NMBR: variants seen among roughly 807,000 people sequenced by gnomAD.
NMBR encodes neuromedin-B receptor.
Under a neutral mutation model 20.5 loss-of-function variants are expected in NMBR, and 16 were observed. That is an observed-to-expected ratio of 0.78 (90% CI 0.53 to 1.19). The LOEUF (loss-of-function observed/expected upper bound fraction) is 1.19. Ranked by LOEUF, NMBR falls within the 50% of genes most tolerant of loss-of-function variation. The probability of loss-of-function intolerance (pLI) is 0.00; values close to 1 mark genes in which losing one functional copy is unlikely to be tolerated. For synonymous variants in NMBR, 212 were observed against 196.6 expected, an observed-to-expected ratio of 1.08 and a Z score of -0.65; for missense variants, 582 against 499.1, an observed-to-expected ratio of 1.17 and a Z score of -1.58.
At chr6:142,107,927 A>C (rs1470144390) in intron 1 of NMBR, among the ~76,000 whole-genome samples, 1 of 152,180 alleles carries the variant, frequency 6.6e-6, no homozygotes, top group East Asian at 1.9e-4. Context: ...TTAAAAGTAC[A>C]GTACTTGGAA....
chr6:142,113,660 A>G (rs1431998692), intron 1 of NMBR, among the ~76,000 whole-genome samples: 2 of 152,206 alleles, frequency 1.3e-5, no homozygotes, highest in Non-Finnish European at 2.9e-5. Context: ...GGTGGAACAC[A>G]AGCTTTCAAG....
At chr6:142,090,112 C>A (rs1032599290) in intron 1 of NMBR, among the ~76,000 whole-genome samples, 2 of 152,026 alleles carry the variant, frequency 1.3e-5, no homozygotes, top group African/African-American at 4.8e-5. Context: ...TAGGTTGTCC[C>A]TAAGCACAAA....
chr6:142,078,420 T>A (rs951341953), intron 3 of NMBR, 135 bp downstream of exon 3: 1 of 595,380 alleles, frequency 1.7e-6, no homozygotes. Context: ...TCCCCACATA[T>A]CCCTTCTAGT....
intron 1 of NMBR, among the ~76,000 whole-genome samples, chr6:142,100,748 G>T (rs1255312143): frequency 6.6e-6 from 1 of 152,170 alleles, no homozygotes; most frequent in Non-Finnish European, 1.5e-5. Flanking sequence ...TAACAAATGT[G>T]CCACTTTGAT....
intron 1 of NMBR, among the ~76,000 whole-genome samples, chr6:142,090,707 A>G (rs900247368): frequency 6.6e-6 from 1 of 151,604 alleles, no homozygotes; most frequent in Non-Finnish European, 1.5e-5. Context: ...TTTATCTCCA[A>G]AGTTATTTGT....
At chr6:142,129,958 C>T (rs1778110000) in intron 1 of NMBR, among the ~76,000 whole-genome samples, 1 of 152,076 alleles carries the variant, frequency 6.6e-6, no homozygotes, top group Non-Finnish European at 1.5e-5. Flanking sequence ...ACTGTGTGCT[C>T]CCTCCTACTC....
chr6:142,132,264 T>C (rs554266031), intron 1 of NMBR, among the ~76,000 whole-genome samples: 2 of 152,312 alleles, frequency 1.3e-5, no homozygotes, highest in South Asian at 2.1e-4. Flanking sequence ...AATGATTAGC[T>C]GTATGACATT....
intron 1 of NMBR, among the ~76,000 whole-genome samples, chr6:142,092,232 A>G (rs1777339206): frequency 6.6e-6 from 1 of 152,108 alleles, no homozygotes; most frequent in African/African-American, 2.4e-5. Flanking sequence ...AACAGAAAAA[A>G]ACATTAATGG....
At chr6:142,119,200 C>G (rs535077490) in intron 1 of NMBR, among the ~76,000 whole-genome samples, 52 of 152,088 alleles carry the variant, frequency 3.4e-4, no homozygotes, top group African/African-American at 1.2e-3. Flanking sequence ...GAGGGCTATG[C>G]TCAGTGAGTG....
At chr6:142,102,276 G>A (rs922522115) in intron 1 of NMBR, among the ~76,000 whole-genome samples, 3 of 151,762 alleles carry the variant, frequency 2.0e-5, no homozygotes, top group Non-Finnish European at 4.4e-5. Context: ...TGTAGTCCCA[G>A]CTACTCAGGA....
At chr6:142,099,854 T>C (rs982225202) in intron 1 of NMBR, among the ~76,000 whole-genome samples, 1 of 151,996 alleles carries the variant, frequency 6.6e-6, no homozygotes, top group East Asian at 1.9e-4. Context: ...ACAAATAATT[T>C]TTAAAATTCA....
intron 2 of NMBR, among the ~76,000 whole-genome samples, chr6:142,083,889 A>G (rs954586447): frequency 5.9e-5 from 9 of 152,206 alleles, no homozygotes; most frequent in African/African-American, 1.9e-4. Flanking sequence ...CTGAACAAAA[A>G]TAAGTTGAAC....
chr6:142,077,765 C>T (rs1303617021), intron 3 of NMBR, among the ~76,000 whole-genome samples: 4 of 152,164 alleles, frequency 2.6e-5, no homozygotes. Context: ...AAACAAGCAT[C>T]GGTAACTACT....
In NMBR at chr6:142,125,871, CTG is replaced by C. The variant is rs377186062; in HGVS notation, c.-664+21171_-664+21172del. 2.2e-3 allele frequency among the ~76,000 whole-genome samples: 332 copies of C among 150,444 alleles called. 2 individuals carry two copies. Among genetic ancestry groups the C allele is most frequent in the African/African-American group, 7.5e-3 (306 of 40,906 alleles). ...TTATCTTTGTGTGTGTGATAATTAC[CTG>C]TGTGTGTGTGTGTGAACATATTCAC... On this transcript the variant is annotated intron_variant, in intron 1 of 3. Transcript: ENST00000258042.
chr6:142,093,947 T>G (rs1300640634), intron 1 of NMBR, among the ~76,000 whole-genome samples: 1 of 149,576 alleles, frequency 6.7e-6, no homozygotes, highest in Non-Finnish European at 1.5e-5. Context: ...TGCATAAATG[T>G]GTTCTTTTGA....
At chr6:142,080,155 A>G (rs1380781665) in intron 2 of NMBR, among the ~76,000 whole-genome samples, 6 of 151,870 alleles carry the variant, frequency 4.0e-5, no homozygotes, top group Admixed American at 2.6e-4. Context: ...TTAATTTCTA[A>G]GATATTCTGT....
intron 1 of NMBR, among the ~76,000 whole-genome samples, chr6:142,132,034 C>T (rs1582862394): frequency 6.6e-6 from 1 of 152,112 alleles, no homozygotes; most frequent in African/African-American, 2.4e-5. Context: ...CTTATCTAAC[C>T]ATTCTGAGGG....
intron 1 of NMBR, among the ~76,000 whole-genome samples, chr6:142,118,803 G>A (rs1777896196): frequency 6.6e-6 from 1 of 151,952 alleles, no homozygotes; most frequent in Admixed American, 6.6e-5. Flanking sequence ...CTCACAAAGG[G>A]TGAGAGTAGC....
intron 2 of NMBR, among the ~76,000 whole-genome samples, chr6:142,079,106 GAA>G (rs1291646605): frequency 2.7e-5 from 2 of 73,520 alleles, no homozygotes; most frequent in Admixed American, 1.7e-4. Flanking sequence ...GAGAGAGAGA[GAA>G]AGAAAGAAAG....
Sources: allele counts gnomAD v4.1 joint callset (sites outside exome capture counted in the v4.1 genomes callset), GRCh38; gene constraint gnomAD v4.1.1; transcripts MANE v1.5; gene names NCBI Gene and HGNC (gene_info 2026-07-23, HGNC 2026-07-21).